The following TNFRSF8 variants were observed in gnomAD, a reference collection of about 807,000 sequenced individuals.
The protein encoded by TNFRSF8 is tumor necrosis factor receptor superfamily member 8.
Under a neutral mutation model 70.8 loss-of-function variants are expected in TNFRSF8, and 26 were observed. The ratio of observed to expected loss-of-function variants is 0.37; its 90% CI spans 0.27 to 0.51. The LOEUF (loss-of-function observed/expected upper bound fraction) is 0.51, where lower values mean the gene tolerates loss of function less well. TNFRSF8 is among the 20% of genes least tolerant of loss of function. The pLI is 0.94. For missense variants in TNFRSF8, 720 were observed against 807.9 expected (o/e 0.89, Z 1.32); for synonymous variants, 356 against 339.2 (o/e 1.05, Z -0.54).
chr1:12,064,408 C>T (rs914560086), intron 1 of TNFRSF8, among the ~76,000 whole-genome samples: 2 of 152,144 alleles, frequency 1.3e-5, no homozygotes, highest in South Asian at 2.1e-4. Context: ...AGTAACCAGG[C>T]GTGTTTCACG....
In TNFRSF8 at chr1:12,141,085, G is replaced by A. The variant is rs1642245391; in HGVS notation, c.1544-1202G>A. Among the ~76,000 whole-genome samples the A allele has an allele frequency of 6.6e-6, 1 of 152,178 alleles. No homozygotes were observed. On this transcript the variant is annotated intron_variant, in intron 14 of 14. Transcript: ENST00000263932. This position sits in a 1 kb window ranked among gnomAD's most constrained non-coding sequence, Gnocchi z 5.4. Reference sequence around the variant, plus strand: ...GTTTGGCGCACTTCTCTCTTTCCTGGGGGTGTTCAAAACCAGAATAGAAGA... The same window carrying A: ...GTTTGGCGCACTTCTCTCTTTCCTGAGGGTGTTCAAAACCAGAATAGAAGA...
chr1:12,071,721 G>A (rs1465603039), intron 1 of TNFRSF8, among the ~76,000 whole-genome samples: 3 of 151,828 alleles, frequency 2.0e-5, no homozygotes, highest in Non-Finnish European at 2.9e-5. Context: ...CCGCCACCAC[G>A]CCCGGCTAAT....
chr1:12,115,060 C>A (rs1476643065), intron 7 of TNFRSF8, among the ~76,000 whole-genome samples: 1 of 152,088 alleles, frequency 6.6e-6, no homozygotes, highest in East Asian at 1.9e-4. Context: ...TAGAGTGAGT[C>A]AGAGATGGCT....
rs758380440 is a variant in TNFRSF8, at chr1:12,095,289, CTTTTT to C, written c.152-1801_152-1797del. ...TACAAAGAATCACATGTTACTGTAT[CTTTTT>C]TTTTTTTTTTGAGATGGAGTTTCGC... On this transcript the variant is annotated intron_variant, in intron 2 of 14. Transcript: ENST00000263932. 4.8e-4 allele frequency among the ~76,000 whole-genome samples: 69 copies of C among 143,630 alleles called. 5 individuals are homozygous for C. The South Asian group carries it at 0.014, about 30-fold the overall frequency. 94.2% of individuals were successfully genotyped at this position (143,630 alleles called of 152,430 possible).
intron 4 of TNFRSF8, among the ~76,000 whole-genome samples, chr1:12,107,569 A>AAATATACT (rs56706098): frequency 0.44 from 66,582 of 151,610 alleles, 16,442 homozygotes; most frequent in African/African-American, 0.68. Context: ...TGGGTTAAAT[A>AAATATACT]ATGAAAATTA....
intron 3 of TNFRSF8, among the ~76,000 whole-genome samples, chr1:12,103,157 A>T (rs1641453342): frequency 6.6e-6 from 1 of 151,876 alleles, no homozygotes; most frequent in African/African-American, 2.4e-5. Flanking sequence ...TGAGGTCAGG[A>T]GTTTGAGACC....
At chr1:12,100,270 A>C (rs536750970) in intron 3 of TNFRSF8, among the ~76,000 whole-genome samples, 1 of 152,188 alleles carries the variant, frequency 6.6e-6, no homozygotes, top group Admixed American at 6.5e-5. Flanking sequence ...GGGTGAGTCA[A>C]TGAGTAAGTG....
rs550880522 is a variant in TNFRSF8, at chr1:12,117,843, C to T, written c.946+2114C>T. ...ATTTCTCATGGTCCACCTACCTATA[C>T]CTCCCACCCCCTCACCCTTCTAAGT... On this transcript the variant is annotated intron_variant, in intron 8 of 14. Transcript: ENST00000263932. 3.3e-5 allele frequency among the ~76,000 whole-genome samples: 5 copies of T among 152,210 alleles called. No homozygotes were observed. The South Asian group carries it at 1.0e-3, about 32-fold the overall frequency.
intron 12 of TNFRSF8, among the ~76,000 whole-genome samples, chr1:12,128,712 G>A (rs960338664): frequency 6.6e-6 from 1 of 152,038 alleles, no homozygotes; most frequent in Non-Finnish European, 1.5e-5. Context: ...CCTATAGGAC[G>A]TTGTACAGCC....
chr1:12,102,518 T>C (rs1014908769), intron 3 of TNFRSF8, among the ~76,000 whole-genome samples: 1 of 152,182 alleles, frequency 6.6e-6, no homozygotes, highest in Non-Finnish European at 1.5e-5. Context: ...TTACCAGTGC[T>C]ATTTTTGTTT....
In TNFRSF8 at chr1:12,108,074, A is replaced by ATTTTTTTTTTTTTTTTT. The variant is rs199941905; in HGVS notation, c.422-1485_422-1484insTTTTTTTTTTTTTTTTT. ...CGAAGTCCCACACATACAGGCCACC[A>ATTTTTTTTTTTTTTTTT]TTTTTTTATTTTTTTTTTTTTTGTG... is the stretch of plus-strand genomic sequence containing the variant. On this transcript the variant is annotated intron_variant, in intron 4 of 14. Transcript: ENST00000263932. The surrounding 1 kb of genome is among the most constrained non-coding windows in gnomAD (Gnocchi z 4.0). Among the ~76,000 whole-genome samples, 117 of 146,152 alleles carry ATTTTTTTTTTTTTTTTT rather than the reference A, an allele frequency of 8.0e-4. 1 individual carries two copies. Among genetic ancestry groups the ATTTTTTTTTTTTTTTTT allele is most frequent in the Non-Finnish European group, 1.1e-3 (70 of 66,418 alleles).
chr1:12,139,429 G>A lies in TNFRSF8; in HGVS notation c.1543+993G>A, dbSNP rs575642216. On this transcript the variant is annotated intron_variant, in intron 14 of 14. Coordinates refer to ENST00000263932, the MANE Select transcript of TNFRSF8 (RefSeq NM_001243.5). ...ATCCAGTTAATTCTGGATATCCTGG[G>A]GACCCTGCTTATTTGCCCCTTCCTC... Among the ~76,000 whole-genome samples the A allele has an allele frequency of 3.3e-5, 5 of 152,222 alleles. No homozygotes were observed. In the South Asian group the frequency reaches 1.0e-3, roughly 32 times the overall value.
At chr1:12,079,831 C>G (rs986686904) in intron 1 of TNFRSF8, among the ~76,000 whole-genome samples, 1 of 152,204 alleles carries the variant, frequency 6.6e-6, no homozygotes, top group Non-Finnish European at 1.5e-5. Context: ...CACCTCCCAG[C>G]ATTTCGTGTC....
At chr1:12,076,544 C>T (rs1306241213) in intron 1 of TNFRSF8, among the ~76,000 whole-genome samples, 1 of 152,196 alleles carries the variant, frequency 6.6e-6, no homozygotes, top group African/African-American at 2.4e-5. Context: ...AGGCTCCACC[C>T]TCTATGCTGT....
intron 1 of TNFRSF8, among the ~76,000 whole-genome samples, chr1:12,072,809 C>T (rs1640870539): frequency 6.6e-6 from 1 of 152,174 alleles, no homozygotes; most frequent in Non-Finnish European, 1.5e-5. Flanking sequence ...CCTGCTGAGA[C>T]CAGGAAACTC....
Position 12,063,626 on chromosome 1 carries a change from C to A in TNFRSF8, c.28C>A (p.Leu10Met), listed in dbSNP as rs1166268326. 7.7e-7 allele frequency: 1 copy of A among 1,295,306 alleles called. No individual in the cohort carries two copies. The highest frequency in any genetic ancestry group is 9.9e-7 in the Non-Finnish European group (1 of 1,012,496). The allele number at this position is 1,295,306 out of a possible 1,614,324, so 80.2% of individuals were successfully genotyped here. A position where few individuals can be genotyped will look rare whatever the true frequency, so the allele number is the denominator to read the frequency against. The stretch of plus-strand genomic sequence containing the variant: ...GCGCGTCCTCCTCGCCGCGCTGGGA[C>A]TGCTGTTCCTGGGGGCGCTACGAGC... MRVLLAALG[L>M]LFLGALRAFP... Residue 10 changes from leucine to methionine, a missense_variant, in exon 1 of 15, where the codon CTG (leucine) becomes ATG (methionine). By Grantham distance (15) the Leu-to-Met change is conservative. Coordinates refer to ENST00000263932, the MANE Select transcript of TNFRSF8 (RefSeq NM_001243.5). The surrounding 1 kb of genome is among the most constrained non-coding windows in gnomAD (Gnocchi z 7.2).
chr1:12,114,694 CTTTTTTTT>C (rs542462017), intron 7 of TNFRSF8, among the ~76,000 whole-genome samples: 17,169 of 77,124 alleles, frequency 0.22, 1,737 homozygotes, highest in East Asian at 0.46. Flanking sequence ...GAAAAAAAAT[CTTTTTTTT>C]TTTTTTTTTT....
In TNFRSF8 at chr1:12,142,857, C is replaced by T. The variant is rs571822231; in HGVS notation, c.*326C>T. On this transcript the variant is annotated 3_prime_UTR_variant, in exon 15 of 15. Coordinates refer to ENST00000263932, the MANE Select transcript of TNFRSF8 (RefSeq NM_001243.5). This position sits in a 1 kb window ranked among gnomAD's most constrained non-coding sequence, Gnocchi z 5.0. ...GCCGAGAACAGCATTGGTCCCAGAG[C>T]CCTGGGCATCAGACCTTAACCACCA... is the stretch of plus-strand genomic sequence containing the variant. 1.8e-5 allele frequency: 5 copies of T among 271,684 alleles called. No individual in the cohort carries two copies. Among genetic ancestry groups the T allele is most frequent in the Admixed American group, 4.9e-5 (1 of 20,296 alleles). The allele number at this position is 271,684 out of a possible 1,614,324, so 16.8% of individuals were successfully genotyped here.
intron 1 of TNFRSF8, among the ~76,000 whole-genome samples, chr1:12,065,078 C>CTTTTTTTTTTTTT (rs773549918): frequency 3.4e-5 from 3 of 88,262 alleles, no homozygotes; most frequent in East Asian, 3.5e-4. Context: ...CATACCAAAC[C>CTTTTTTTTTTTTT]TTTTTTTTTT....
Sources: allele counts gnomAD v4.1 joint callset (sites outside exome capture counted in the v4.1 genomes callset), GRCh38; gene constraint gnomAD v4.1.1; non-coding constraint Gnocchi (gnomAD v3.1); transcripts MANE v1.5; gene names NCBI Gene and HGNC (gene_info 2026-07-23, HGNC 2026-07-21).